Variants in TOPAZ1 observed in about 807,000 individuals in gnomAD.
The protein encoded by TOPAZ1 is protein TOPAZ1.
TOPAZ1 carries 66 observed loss-of-function variants against 172.2 expected under a neutral mutation model. The observed-to-expected ratio is 0.38, with a 90% confidence interval of 0.31 to 0.47. The LOEUF (loss-of-function observed/expected upper bound fraction) is 0.47. Ranked by LOEUF, TOPAZ1 falls within the 20% of genes least tolerant of loss-of-function variation. The probability of loss-of-function intolerance (pLI) is 0.99; values close to 1 mark genes in which losing one functional copy is unlikely to be tolerated. For synonymous variants in TOPAZ1, 681 were observed against 683.9 expected, an observed-to-expected ratio of 1.00 and a Z score of 0.07; for missense variants, 1,822 against 1,972.4, an observed-to-expected ratio of 0.92 and a Z score of 1.44.
Position 44,246,773 on chromosome 3 carries a change from C to A in TOPAZ1, c.2765+1502C>A, listed in dbSNP as rs145582971. Among the ~76,000 whole-genome samples the A allele has an allele frequency of 1.6e-4, 24 of 152,274 alleles. No homozygotes were observed. In the East Asian group the frequency reaches 4.6e-3, roughly 29 times the overall value. Reference sequence around the variant, plus strand: ...CCTAACAACTATGTGACCTTTTAGGCAAATTATTTCATCTTTCTGTAAAAA... The same window carrying A: ...CCTAACAACTATGTGACCTTTTAGGAAAATTATTTCATCTTTCTGTAAAAA... On this transcript the variant is annotated intron_variant, in intron 2 of 19. Transcript: ENST00000309765.
chr3:44,308,396 C>G (rs939054971), intron 15 of TOPAZ1, among the ~76,000 whole-genome samples: 5 of 151,768 alleles, frequency 3.3e-5, no homozygotes, highest in Admixed American at 1.3e-4. Flanking sequence ...TCTATCCTTG[C>G]GATAGTTTGC....
intron 16 of TOPAZ1, among the ~76,000 whole-genome samples, chr3:44,318,426 C>A (rs1180179554): frequency 1.6e-5 from 2 of 128,580 alleles, no homozygotes; most frequent in African/African-American, 5.8e-5. Context: ...CACTCCAGCC[C>A]GGGTGACAGA....
intron 8 of TOPAZ1, among the ~76,000 whole-genome samples, chr3:44,272,515 G>A (rs977556551): frequency 3.3e-5 from 5 of 151,898 alleles, no homozygotes; most frequent in African/African-American, 4.8e-5. Context: ...GCCTTTTTTC[G>A]TACATTTGCC....
At chr3:44,280,366 T>C (rs1700009628) in intron 8 of TOPAZ1, among the ~76,000 whole-genome samples, 1 of 151,984 alleles carries the variant, frequency 6.6e-6, no homozygotes, top group South Asian at 2.1e-4. Flanking sequence ...TTTTATTTTT[T>C]TGAGACCGGG....
intron 18 of TOPAZ1, among the ~76,000 whole-genome samples, chr3:44,325,985 G>A (rs1700597385): frequency 6.6e-6 from 1 of 152,092 alleles, no homozygotes; most frequent in Non-Finnish European, 1.5e-5. Flanking sequence ...TCAAATTTCA[G>A]TGTTGTAGCA....
intron 11 of TOPAZ1, among the ~76,000 whole-genome samples, chr3:44,289,138 C>T (rs1407031572): frequency 6.6e-6 from 1 of 152,118 alleles, no homozygotes; most frequent in African/African-American, 2.4e-5. Flanking sequence ...GTTTTTAAGG[C>T]ATGTCAGTTA....
chr3:44,308,373 C>T (rs138149132), intron 15 of TOPAZ1, among the ~76,000 whole-genome samples: 53,291 of 150,906 alleles, frequency 0.35, 10,258 homozygotes, highest in African/African-American at 0.47. Flanking sequence ...TGGGAACATG[C>T]GGTGTTTGGT....
intron 9 of TOPAZ1, among the ~76,000 whole-genome samples, chr3:44,283,393 G>A (rs1363971764): frequency 6.6e-6 from 1 of 152,114 alleles, no homozygotes; most frequent in African/African-American, 2.4e-5. Context: ...TAACTAGATA[G>A]CAACTTAAAG....
At chr3:44,331,682 G>A (rs1034920345) in intron 19 of TOPAZ1, 110 bp from the exon 20 acceptor site, 31 of 892,594 alleles carry the variant, frequency 3.5e-5, no homozygotes, top group Non-Finnish European at 4.9e-5. Context: ...AGAAGAACAT[G>A]GTGAGAAGAC....
chr3:44,315,472 A>G (rs763004660), intron 16 of TOPAZ1, among the ~76,000 whole-genome samples: 1 of 151,124 alleles, frequency 6.6e-6, no homozygotes, highest in Non-Finnish European at 1.5e-5. Context: ...GGTTCAAGCA[A>G]TTCTTCTGCC....
In TOPAZ1 at chr3:44,256,241, T is replaced by G; in HGVS notation, c.2918T>G (p.Phe973Cys). ...TCTGAAAATGAAACACTGGGAGACT[T>G]CAGTGAACAAATAAAAGGTTCAGAC... ...ETSENETLGD[F>C]SEQIKGSDLD... The change falls in exon 4 of 20, where the codon TTC (phenylalanine) becomes TGC (cysteine). Residue 973 changes from phenylalanine to cysteine, a missense_variant. Phe to Cys is a radical substitution (Grantham distance 205, BLOSUM62 -2). Coordinates refer to ENST00000309765, the MANE Select transcript of TOPAZ1 (RefSeq NM_001145030.2). The G allele has an allele frequency of 6.5e-7, 1 of 1,534,098 alleles. No individual in the cohort carries two copies. The highest frequency in any genetic ancestry group is 8.8e-7 in the Non-Finnish European group (1 of 1,142,146).
At chr3:44,262,579 G>T in intron 5 of TOPAZ1, 96 bp downstream of exon 5, 1 of 601,336 alleles carries the variant, frequency 1.7e-6, no homozygotes, top group South Asian at 2.6e-5. Flanking sequence ...TTATATGCTT[G>T]GGCTATATGC....
intron 12 of TOPAZ1, among the ~76,000 whole-genome samples, chr3:44,298,258 G>T (rs996576442): frequency 5.3e-5 from 8 of 152,150 alleles, no homozygotes; most frequent in Non-Finnish European, 1.2e-4. Context: ...AAGCCCAGGA[G>T]TTCGAGGCCA....
chr3:44,307,326 C>T (rs752512582), intron 15 of TOPAZ1, among the ~76,000 whole-genome samples: 1 of 152,104 alleles, frequency 6.6e-6, no homozygotes, highest in Non-Finnish European at 1.5e-5. Flanking sequence ...CCAGCCAAGA[C>T]ACATTTCTTA....
At position 44,302,360 on chromosome 3, in the gene TOPAZ1, A is replaced by G. The variant is rs373036490; in HGVS notation, c.3798-1655A>G. Among the ~76,000 whole-genome samples, 400 of 152,294 alleles carry G rather than the reference A, an allele frequency of 2.6e-3. 5 individuals are homozygous for G. Among genetic ancestry groups the G allele is most frequent in the African/African-American group, 9.3e-3 (387 of 41,554 alleles). ...AGAAGGCGGAGCTTGCAGTGAGCCG[A>G]GATAGCACCACTGCACTCCAGCCTG... On this transcript the variant is annotated intron_variant, in intron 12 of 19. Coordinates refer to ENST00000309765, the MANE Select transcript of TOPAZ1 (RefSeq NM_001145030.2).
chr3:44,243,924 G>T lies in TOPAZ1; in HGVS notation c.1418G>T (p.Ser473Ile). The part of the protein sequence containing the change: ...ERRSSREDLR[S>I]ASEELKLSCQ... The stretch of plus-strand genomic sequence containing the variant: ...AGATCTTCACGGGAAGACTTAAGAA[G>T]TGCATCTGAAGAATTGAAGTTAAGC... Residue 473 changes from serine to isoleucine, a missense_variant, in exon 2 of 20, where the codon AGT becomes ATT. This residue lies in a region of TOPAZ1 where 1,489 missense variants were observed against 1,490.8 expected (regional missense o/e 1.00). Coordinates refer to ENST00000309765, the MANE Select transcript of TOPAZ1 (RefSeq NM_001145030.2). The T allele has an allele frequency of 6.4e-7, 1 of 1,552,322 alleles. No homozygotes were observed. The highest frequency in any genetic ancestry group is 2.0e-5 in the Admixed American group (1 of 51,020).
chr3:44,323,050 T>G (rs1386631293), intron 17 of TOPAZ1, 42 bp from the exon 18 acceptor site: 2 of 1,372,570 alleles, frequency 1.5e-6, no homozygotes, highest in South Asian at 2.9e-5. Flanking sequence ...TTGAGACACT[T>G]TAATATAAAT....
At chr3:44,332,430 A>C (rs1210823734), downstream of TOPAZ1, among the ~76,000 whole-genome samples, 1 of 152,180 alleles carries the variant, frequency 6.6e-6, no homozygotes, top group Non-Finnish European at 1.5e-5. Context: ...AATCGAGAAT[A>C]ATAAAACAAT....
At chr3:44,331,586 C>G (rs1271899879) in intron 19 of TOPAZ1, among the ~76,000 whole-genome samples, 5 of 152,144 alleles carry the variant, frequency 3.3e-5, no homozygotes, top group Non-Finnish European at 7.3e-5. Flanking sequence ...CCTGAGCGTC[C>G]AAAGCGCTGG....
Sources: allele counts gnomAD v4.1 joint callset (sites outside exome capture counted in the v4.1 genomes callset), GRCh38; gene constraint gnomAD v4.1.1; regional missense constraint gnomAD v4.1.1; transcripts MANE v1.5; gene names NCBI Gene and HGNC (gene_info 2026-07-23, HGNC 2026-07-21).